Variants in AUTS2 observed in about 807,000 individuals in gnomAD.
AUTS2 encodes autism susceptibility gene 2 protein.
Under a neutral mutation model 112.4 loss-of-function variants are expected in AUTS2, and 17 were observed. The observed-to-expected ratio is 0.15, with a 90% CI of 0.10 to 0.23. The LOEUF is 0.23. AUTS2 is among the 10% of genes least tolerant of loss of function. The probability of loss-of-function intolerance (pLI) is 1.00; values close to 1 mark genes in which losing one functional copy is unlikely to be tolerated. For missense variants in AUTS2, 1,510 were observed against 1,701.6 expected (o/e 0.89, Z 1.98); for synonymous variants, 751 against 702.7 (o/e 1.07, Z -1.09).
intron 5 of AUTS2, among the ~76,000 whole-genome samples, chr7:70,515,592 C>T (rs1048568867): frequency 1.3e-5 from 2 of 152,120 alleles, no homozygotes; most frequent in Admixed American, 6.5e-5. Flanking sequence ...TTCCCTTCAA[C>T]GAGACCCAGG....
chr7:69,667,278 T>C (rs1796096861), intron 1 of AUTS2, among the ~76,000 whole-genome samples: 2 of 152,176 alleles, frequency 1.3e-5, no homozygotes, highest in African/African-American at 4.8e-5. Flanking sequence ...AGGATTAAGT[T>C]TCAATGTGAG....
In AUTS2 at chr7:70,684,935, G is replaced by A. The variant is rs556092217; in HGVS notation, c.691-13634G>A. ...GTTACTCTAGGGCATTTTTGGCAGC[G>A]TCCTTTGGAGAGGCTGAATCTTAGA... On this transcript the variant is annotated intron_variant, in intron 5 of 18. Transcript: ENST00000342771. 4.6e-5 allele frequency among the ~76,000 whole-genome samples: 7 copies of A among 152,274 alleles called. No homozygotes were observed. In the East Asian group the frequency reaches 5.8e-4, roughly 13 times the overall value.
intron 5 of AUTS2, among the ~76,000 whole-genome samples, chr7:70,489,919 T>G (rs1205455587): frequency 6.6e-6 from 1 of 151,914 alleles, no homozygotes; most frequent in Non-Finnish European, 1.5e-5. Context: ...AATCCATGGG[T>G]CAAAGAGGAA....
chr7:69,868,256 T>C (rs906701379), intron 1 of AUTS2, among the ~76,000 whole-genome samples: 2 of 152,190 alleles, frequency 1.3e-5, no homozygotes, highest in African/African-American at 4.8e-5. Flanking sequence ...ATCTCTTTGC[T>C]AAGAAGATGC....
chr7:70,634,262 C>T (rs1352362999), intron 5 of AUTS2, among the ~76,000 whole-genome samples: 1 of 152,136 alleles, frequency 6.6e-6, no homozygotes, highest in Non-Finnish European at 1.5e-5. Flanking sequence ...GTGAAAGGGG[C>T]GTGTGAGCCA....
intron 5 of AUTS2, among the ~76,000 whole-genome samples, chr7:70,659,791 T>C (rs1806973063): frequency 6.6e-6 from 1 of 151,890 alleles, no homozygotes; most frequent in South Asian, 2.1e-4. Flanking sequence ...GGCAGTACTG[T>C]GAAGGGAAAA....
intron 1 of AUTS2, among the ~76,000 whole-genome samples, chr7:69,859,208 T>A (rs960280201): frequency 3.3e-5 from 5 of 152,226 alleles, no homozygotes; most frequent in Admixed American, 3.3e-4. Context: ...GTGGGATATC[T>A]CTTTAGCCTC....
chr7:69,865,895 C>T (rs1584360449), intron 1 of AUTS2, among the ~76,000 whole-genome samples: 2 of 152,216 alleles, frequency 1.3e-5, no homozygotes, highest in East Asian at 3.9e-4. Context: ...AATGTACCCT[C>T]TCCCTAACTC....
intron 5 of AUTS2, among the ~76,000 whole-genome samples, chr7:70,518,340 T>C (rs1297673953): frequency 6.6e-6 from 1 of 152,132 alleles, no homozygotes; most frequent in African/African-American, 2.4e-5. Flanking sequence ...ATGATCCTGC[T>C]AAATCATGTG....
chr7:70,679,938 G>A (rs1808120408), intron 5 of AUTS2, among the ~76,000 whole-genome samples: 1 of 152,220 alleles, frequency 6.6e-6, no homozygotes, highest in Non-Finnish European at 1.5e-5. Flanking sequence ...GCTGACAAAT[G>A]TGTTTAATGG....
intron 2 of AUTS2, among the ~76,000 whole-genome samples, chr7:70,101,334 T>C (rs977145215): frequency 6.6e-6 from 1 of 152,008 alleles, no homozygotes; most frequent in Non-Finnish European, 1.5e-5. Flanking sequence ...TTTACATTTA[T>C]TGAATGCTAT....
chr7:70,209,932 A>G (rs1810768987), intron 4 of AUTS2, among the ~76,000 whole-genome samples: 1 of 151,984 alleles, frequency 6.6e-6, no homozygotes, highest in Non-Finnish European at 1.5e-5. Context: ...GCTTGTTGGA[A>G]TCCCCCCCTC....
At chr7:69,622,251 A>G (rs1215098095) in intron 1 of AUTS2, among the ~76,000 whole-genome samples, 1 of 152,212 alleles carries the variant, frequency 6.6e-6, no homozygotes, top group Non-Finnish European at 1.5e-5. Flanking sequence ...AAAAGACCCC[A>G]GGGTAGTGCT....
At chr7:69,772,216 T>C (rs1788698120) in intron 1 of AUTS2, among the ~76,000 whole-genome samples, 1 of 152,224 alleles carries the variant, frequency 6.6e-6, no homozygotes, top group Non-Finnish European at 1.5e-5. Flanking sequence ...AACTGAAGCT[T>C]ACACAGCCTG....
At chr7:70,293,484 G>C (rs970524751) in intron 4 of AUTS2, 3 of 152,154 alleles carry the variant, frequency 2.0e-5, no homozygotes. Context: ...AGGAGGATAA[G>C]TTCTTTGTCA....
chr7:70,355,240 C>G (rs1039556497), intron 4 of AUTS2, among the ~76,000 whole-genome samples: 2 of 152,054 alleles, frequency 1.3e-5, no homozygotes, highest in East Asian at 3.9e-4. Context: ...GGTTGTTTCA[C>G]TTCCAGAAAT....
intron 1 of AUTS2, among the ~76,000 whole-genome samples, chr7:69,855,141 A>G (rs1397203654): frequency 2.6e-5 from 4 of 152,226 alleles, no homozygotes; most frequent in Non-Finnish European, 1.5e-5. Context: ...TCTATAAATT[A>G]AGAGCATTAC....
chr7:70,660,932 C>T lies in AUTS2; in HGVS notation c.691-37637C>T, dbSNP rs148308781. On this transcript the variant is annotated intron_variant, in intron 5 of 18. Coordinates refer to ENST00000342771, the MANE Select transcript of AUTS2 (RefSeq NM_015570.4). Reference sequence around the variant, plus strand: ...ATTAAGTCACTGAATCCCCATAACACTGTGCAGATGGAACCTTCTCAGCTT... The same window carrying T: ...ATTAAGTCACTGAATCCCCATAACATTGTGCAGATGGAACCTTCTCAGCTT... Among the ~76,000 whole-genome samples, 616 of 152,314 alleles carry T rather than the reference C, an allele frequency of 4.0e-3. 9 individuals are homozygous for T. The highest frequency in any genetic ancestry group is 0.014 in the African/African-American group (574 of 41,578).
At chr7:70,237,013 A>G (rs1210143182) in intron 4 of AUTS2, among the ~76,000 whole-genome samples, 3 of 152,178 alleles carry the variant, frequency 2.0e-5, no homozygotes, top group African/African-American at 7.2e-5. Flanking sequence ...GTAGAATGTC[A>G]GATGTGGAAC....
Sources: allele counts gnomAD v4.1 joint callset (sites outside exome capture counted in the v4.1 genomes callset), GRCh38; gene constraint gnomAD v4.1.1; transcripts MANE v1.5; gene names NCBI Gene and HGNC (gene_info 2026-07-23, HGNC 2026-07-21).